SPON1: variants seen among roughly 807,000 people sequenced by gnomAD.
SPON1 encodes the protein spondin 1, also known as spondin-1.
SPON1 carries 52 observed loss-of-function variants against 111.7 expected under a neutral mutation model. The ratio of observed to expected loss-of-function variants is 0.47; its 90% CI spans 0.37 to 0.59. SPON1 has a LOEUF of 0.59. Ranked by LOEUF, SPON1 falls within the 20% of genes least tolerant of loss-of-function variation. The pLI is 0.00. For missense variants in SPON1, 957 were observed against 1,068.5 expected, an observed-to-expected ratio of 0.90 and a Z score of 1.46; for synonymous variants, 410 against 395.8, an observed-to-expected ratio of 1.04 and a Z score of -0.43.
At position 14,267,818 on chromosome 11, in the gene SPON1, G is replaced by C. The variant is rs1294887538; in HGVS notation, c.*2131G>C. 2 of 152,142 alleles carry C rather than the reference G, an allele frequency of 1.3e-5. No individual in the cohort carries two copies. The highest frequency in any genetic ancestry group is 2.9e-5 in the Non-Finnish European group (2 of 68,024). 9.4% of individuals were successfully genotyped at this position (152,142 alleles called of 1,614,324 possible). ...ATTTTTTACTACAAAAATGAAATTT[G>C]TTTGGACTTCCACTTGAGACAGTAA... On this transcript the variant is annotated 3_prime_UTR_variant, in exon 16 of 16. Coordinates refer to ENST00000576479, the MANE Select transcript of SPON1 (RefSeq NM_006108.4).
At chr11:14,180,210 T>A (rs1848222383) in intron 6 of SPON1, among the ~76,000 whole-genome samples, 1 of 152,206 alleles carries the variant, frequency 6.6e-6, no homozygotes, top group African/African-American at 2.4e-5. Context: ...GATGAGTTAG[T>A]CACCCTGCAT....
chr11:14,053,734 G>A (rs963562182), intron 3 of SPON1, among the ~76,000 whole-genome samples: 12 of 152,168 alleles, frequency 7.9e-5, no homozygotes, highest in Non-Finnish European at 1.6e-4. Flanking sequence ...CCAAACAAGA[G>A]TAGAAAAGGA....
intron 2 of SPON1, among the ~76,000 whole-genome samples, chr11:13,986,617 G>C (rs1362072770): frequency 6.6e-6 from 1 of 150,460 alleles, no homozygotes; most frequent in Non-Finnish European, 1.5e-5. Context: ...TACGTGTGCA[G>C]TTTTGCTACA....
At chr11:14,192,776 A>G (rs1848360963) in intron 6 of SPON1, among the ~76,000 whole-genome samples, 1 of 145,264 alleles carries the variant, frequency 6.9e-6, no homozygotes, top group Non-Finnish European at 1.5e-5. Context: ...GAGGTGGGAC[A>G]GGAAGTTGTG....
intron 8 of SPON1, among the ~76,000 whole-genome samples, 176 bp downstream of exon 8, chr11:14,254,905 G>A (rs1264269264): frequency 2.6e-5 from 4 of 152,122 alleles, no homozygotes; most frequent in Admixed American, 6.5e-5. Flanking sequence ...GGAACTGTCT[G>A]TGCAGTGGCC....
chr11:14,079,918 G>A lies in SPON1; in HGVS notation c.573G>A (p.Val191=), dbSNP rs782236435. The change falls in exon 5 of 16, where the codon GTG becomes GTA. Residue 191 remains valine, a synonymous_variant. Coordinates refer to ENST00000576479, the MANE Select transcript of SPON1 (RefSeq NM_006108.4). ...TTTCAGATTCCACATTTGATGGGGT[G>A]ACTGACAAACCCATCTTAGACTGCT... ...LCEQDSTFDG[V]TDKPILDCCA... 16 of 1,613,836 alleles carry A rather than the reference G, an allele frequency of 9.9e-6. No homozygotes were observed. The highest frequency in any genetic ancestry group is 1.3e-5 in the Non-Finnish European group (15 of 1,179,894).
chr11:14,193,128 A>C (rs1321799495), intron 6 of SPON1, among the ~76,000 whole-genome samples: 5 of 152,348 alleles, frequency 3.3e-5, no homozygotes, highest in Middle Eastern at 6.8e-3. Context: ...CAAATATTGG[A>C]CACAGTTGAG....
At chr11:13,998,197 A>G (rs1848288564) in intron 2 of SPON1, among the ~76,000 whole-genome samples, 1 of 152,212 alleles carries the variant, frequency 6.6e-6, no homozygotes, top group African/African-American at 2.4e-5. Context: ...GAAAGTTAAC[A>G]CTGAGGGAAT....
chr11:14,189,785 G>C (rs1848325433), intron 6 of SPON1, among the ~76,000 whole-genome samples: 1 of 152,172 alleles, frequency 6.6e-6, no homozygotes, highest in Non-Finnish European at 1.5e-5. Context: ...CAGTCTCCAA[G>C]TCTTTCAGTC....
chr11:14,019,905 G>T (rs1407293638), intron 2 of SPON1, among the ~76,000 whole-genome samples: 4 of 152,174 alleles, frequency 2.6e-5, no homozygotes, highest in Non-Finnish European at 5.9e-5. Flanking sequence ...TACCCCTTTT[G>T]TCAGAGAGGA....
Position 14,243,340 on chromosome 11 carries a change from G to A in SPON1, c.834G>A (p.Glu278=), listed in dbSNP as rs797023425. The A allele has an allele frequency of 6.3e-6, 10 of 1,582,358 alleles. No homozygotes were observed. In the Admixed American group the frequency reaches 7.3e-5, roughly 11 times the overall value. ...GTGGTCCTTTTTTGCAGAGTGATGA[G>A]GTCCTCACCGTCATCAAAGCCAAAG... ...MEEEIRQQSD[E]VLTVIKAKAQ... The change falls in exon 7 of 16, where the codon GAG becomes GAA. Residue 278 remains glutamate, a synonymous_variant. Transcript: ENST00000576479.
chr11:14,225,530 G>A (rs1554938049), intron 6 of SPON1, among the ~76,000 whole-genome samples: 1 of 152,162 alleles, frequency 6.6e-6, no homozygotes, highest in African/African-American at 2.4e-5. Flanking sequence ...TTGCTTTGGA[G>A]ATTGTGCTGT....
At chr11:14,095,603 T>C (rs1554923826) in intron 5 of SPON1, among the ~76,000 whole-genome samples, 1 of 152,012 alleles carries the variant, frequency 6.6e-6, no homozygotes, top group African/African-American at 2.4e-5. Context: ...ATGGTGTAAA[T>C]CCCAGCCCCA....
chr11:14,108,464 T>C (rs1849201974), intron 5 of SPON1, among the ~76,000 whole-genome samples: 1 of 152,164 alleles, frequency 6.6e-6, no homozygotes, highest in African/African-American at 2.4e-5. Flanking sequence ...GACTCCTGAA[T>C]TTCTTCCATG....
At chr11:14,032,974 C>G (rs782601751) in intron 2 of SPON1, among the ~76,000 whole-genome samples, 11 of 152,192 alleles carry the variant, frequency 7.2e-5, no homozygotes, top group Non-Finnish European at 1.6e-4. Flanking sequence ...ACACCACTAT[C>G]CCTGATAGGA....
intron 6 of SPON1, among the ~76,000 whole-genome samples, chr11:14,151,647 G>T (rs1554929932): frequency 6.6e-6 from 1 of 152,120 alleles, no homozygotes; most frequent in African/African-American, 2.4e-5. Flanking sequence ...TAAATTTTTT[G>T]TCTCAGAGAA....
At chr11:13,998,610 T>G (rs4592401) in intron 2 of SPON1, among the ~76,000 whole-genome samples, 11,161 of 152,286 alleles carry the variant, frequency 0.073, 521 homozygotes, top group Middle Eastern at 0.14. Context: ...CCCTACAAGA[T>G]TCTGCAAAGA....
At chr11:14,068,979 A>G (rs902013013) in intron 3 of SPON1, among the ~76,000 whole-genome samples, 15 of 152,216 alleles carry the variant, frequency 9.9e-5, no homozygotes, top group African/African-American at 3.6e-4. Context: ...ATTATACTTA[A>G]GTTTTGCAAA....
At chr11:14,247,779 T>G (rs967204753) in intron 7 of SPON1, among the ~76,000 whole-genome samples, 15 of 152,158 alleles carry the variant, frequency 9.9e-5, no homozygotes, top group South Asian at 2.1e-4. Context: ...GTGGGAAAGA[T>G]CATGGGATCA....
Sources: allele counts gnomAD v4.1 joint callset (sites outside exome capture counted in the v4.1 genomes callset), GRCh38; gene constraint gnomAD v4.1.1; transcripts MANE v1.5; gene names NCBI Gene and HGNC (gene_info 2026-07-23, HGNC 2026-07-21).